Variants in ALAS1 observed in about 807,000 individuals in gnomAD.
ALAS1 encodes the protein 5-aminolevulinate synthase, non-specific, mitochondrial.
A neutral mutation model predicts 59.6 loss-of-function variants in ALAS1; 29 were observed. The ratio of observed to expected loss-of-function variants is 0.49; its 90% CI spans 0.36 to 0.66. The LOEUF (loss-of-function observed/expected upper bound fraction) is 0.66. ALAS1 is among the 30% of genes least tolerant of loss of function. The pLI is 0.00. For synonymous variants in ALAS1, 299 were observed against 296.6 expected (o/e 1.01, Z -0.08); for missense variants, 690 against 807.5 (o/e 0.85, Z 1.76).
chr3:52,203,289 C>A (rs552124142), intron 4 of ALAS1, among the ~76,000 whole-genome samples: 1 of 152,162 alleles, frequency 6.6e-6, no homozygotes, highest in East Asian at 1.9e-4. Flanking sequence ...ACCTATAATC[C>A]CAGCACTTTG....
At chr3:52,208,701 T>C (rs1699344844) in intron 9 of ALAS1, among the ~76,000 whole-genome samples, 1 of 152,240 alleles carries the variant, frequency 6.6e-6, no homozygotes, top group Admixed American at 6.5e-5. Context: ...ATACAGAGGC[T>C]ATGTCTCGTG....
intron 4 of ALAS1, 107 bp from the exon 5 acceptor site, chr3:52,203,755 CT>C: frequency 4.5e-6 from 6 of 1,338,452 alleles, no homozygotes; most frequent in East Asian, 2.5e-5. Flanking sequence ...TATGCTTGGC[CT>C]TTTTTGTGAA....
intron 3 of ALAS1, among the ~76,000 whole-genome samples, chr3:52,202,026 A>G (rs1699196616): frequency 6.6e-6 from 1 of 152,186 alleles, no homozygotes; most frequent in South Asian, 2.1e-4. Context: ...AAGCAGATGA[A>G]AAACTAGAGA....
At chr3:52,211,712 A>C (rs905829063) in intron 10 of ALAS1, among the ~76,000 whole-genome samples, 161 bp downstream of exon 10, 2 of 152,186 alleles carry the variant, frequency 1.3e-5, no homozygotes, top group Non-Finnish European at 2.9e-5. Flanking sequence ...CCATTGGCTG[A>C]CTTCACCAAG....
At chr3:52,198,151 C>A (rs1237621220), upstream of ALAS1, 1 of 398,428 alleles carries the variant, frequency 2.5e-6, no homozygotes, top group Non-Finnish European at 4.4e-6. Context: ...CGCCGGCGAT[C>A]GCGGCCTGAG....
rs991019052 is a variant in ALAS1, at chr3:52,208,098, T to C, written c.1181T>C (p.Leu394Pro). Residue 394 changes from leucine to proline, a missense_variant, in exon 9 of 12, where the codon CTG becomes CCG. Coordinates refer to ENST00000484952, the MANE Select transcript of ALAS1 (RefSeq NM_000688.6). ...CTTTCCTCAGGGGCGGTGTGCCCAC[T>C]GGAAGAGCTGTGTGATGTGGCCCAT... ...VHSMDGAVCPLEELCDVAHEF... is the reference protein window; with the variant it reads ...VHSMDGAVCPPEELCDVAHEF... 13 of 1,583,516 alleles carry C rather than the reference T, an allele frequency of 8.2e-6. No homozygotes were observed. Among genetic ancestry groups the C allele is most frequent in the Non-Finnish European group, 1.1e-5 (13 of 1,166,092 alleles).
chr3:52,204,972 T>A, intron 6 of ALAS1, 57 bp downstream of exon 6: 1 of 1,452,898 alleles, frequency 6.9e-7, no homozygotes, highest in Non-Finnish European at 9.6e-7. Context: ...CCAATGATGA[T>A]GTATAGGGGT....
chr3:52,214,028 CT>C lies in ALAS1; in HGVS notation c.1772del (p.Leu591GlnfsTer11). 1 of 1,603,108 alleles carries C rather than the reference CT, an allele frequency of 6.2e-7. No individual in the cohort carries two copies. Among genetic ancestry groups the C allele is most frequent in the Non-Finnish European group, 8.5e-7 (1 of 1,170,616 alleles). On this transcript the variant is annotated frameshift_variant, in exon 12 of 12. Coordinates refer to ENST00000484952, the MANE Select transcript of ALAS1 (RefSeq NM_000688.6). LOFTEE classifies it high-confidence loss of function. Reference protein sequence around the residue: ...QMMNYFLENLLVTWKQVGLEL... With the variant: ...QMMNYFLENLXVTWKQVGLEL... ...AAACTGTTTCTCCTCAGAGAATCTG[CT>C]AGTCACATGGAAGCAAGTGGGGCTG...
At chr3:52,206,983 T>C (rs936748466) in intron 8 of ALAS1, among the ~76,000 whole-genome samples, 13 of 150,616 alleles carry the variant, frequency 8.6e-5, no homozygotes, top group Non-Finnish European at 1.9e-4. Context: ...TACAGACACC[T>C]GCCACCACGC....
At chr3:52,206,045 G>A (rs768458097) in intron 7 of ALAS1, 22 bp downstream of exon 7, 7 of 1,562,118 alleles carry the variant, frequency 4.5e-6, no homozygotes, top group African/African-American at 2.8e-5. Context: ...TGGCATGAGT[G>A]CCTTCGAGTT....
At chr3:52,210,266 C>A (rs539689667) in intron 9 of ALAS1, among the ~76,000 whole-genome samples, 1 of 152,142 alleles carries the variant, frequency 6.6e-6, no homozygotes. Flanking sequence ...TGGAGCTGTG[C>A]TGGCTGTCAG....
intron 6 of ALAS1, 94 bp downstream of exon 6, chr3:52,205,009 G>GC: frequency 9.6e-7 from 1 of 1,036,798 alleles, no homozygotes; most frequent in Non-Finnish European, 1.5e-6. Context: ...GGAACATTCA[G>GC]TAGCTGAAAG....
intron 11 of ALAS1, among the ~76,000 whole-genome samples, chr3:52,212,775 C>A (rs987635075): frequency 6.6e-6 from 1 of 152,210 alleles, no homozygotes; most frequent in South Asian, 2.1e-4. Context: ...AGGTGATCCA[C>A]CCACCTCAGC....
At position 52,214,073 on chromosome 3, in the gene ALAS1, T is replaced by C; in HGVS notation, c.1816T>C (p.Ser606Pro). Reference sequence around the variant, plus strand: ...GGGGCTGGAACTGAAGCCTCATTCCTCAGCTGAGTGCAACTTCTGCAGGAG... The same window carrying C: ...GGGGCTGGAACTGAAGCCTCATTCCCCAGCTGAGTGCAACTTCTGCAGGAG... ...QVGLELKPHS[S>P]AECNFCRRPL... Residue 606 changes from serine to proline, a missense_variant, in exon 12 of 12, where the codon TCA becomes CCA. By Grantham distance (74) the Ser-to-Pro change is moderately conservative. Transcript: ENST00000484952. 6.2e-7 allele frequency: 1 copy of C among 1,613,630 alleles called. No homozygotes were observed. Among genetic ancestry groups the C allele is most frequent in the Non-Finnish European group, 8.5e-7 (1 of 1,179,520 alleles).
chr3:52,211,237 G>A lies in ALAS1; in HGVS notation c.1331-46G>A, dbSNP rs541762874. 5 of 1,595,916 alleles carry A rather than the reference G, an allele frequency of 3.1e-6. No individual in the cohort carries two copies. In the South Asian group the frequency reaches 4.4e-5, roughly 14 times the overall value. ...CAACACCTTGCTGTGTCCATTTAGA[G>A]CAATTTACAGCTGTTGCTGTAATTA... is the stretch of plus-strand genomic sequence containing the variant. On this transcript the variant is annotated intron_variant, in intron 9 of 11. Coordinates refer to ENST00000484952, the MANE Select transcript of ALAS1 (RefSeq NM_000688.6).
chr3:52,201,883 C>T (rs1486666496), intron 3 of ALAS1, among the ~76,000 whole-genome samples: 2 of 152,160 alleles, frequency 1.3e-5, no homozygotes, highest in African/African-American at 4.8e-5. Context: ...TGGAAATGAT[C>T]CAACTCAAGG....
Position 52,202,587 on chromosome 3 carries a change from G to C in ALAS1, c.280G>C (p.Gly94Arg). 1 of 1,614,188 alleles carries C rather than the reference G, an allele frequency of 6.2e-7. No individual in the cohort carries two copies. Among genetic ancestry groups the C allele is most frequent in the South Asian group, 1.1e-5 (1 of 91,090 alleles). ...TCCAGATGGCACACAGCTTCCGTCT[G>C]GACACCCCTTGCCTGCCACAAGCCA... is the stretch of plus-strand genomic sequence containing the variant. ...QSPDGTQLPS[G>R]HPLPATSQGT... Residue 94 changes from glycine to arginine, a missense_variant, in exon 4 of 12, where the codon GGA (glycine) becomes CGA (arginine). Physicochemically the swap from Gly to Arg is moderately radical, Grantham distance 125 (BLOSUM62 -2). Transcript: ENST00000484952.
intron 3 of ALAS1, among the ~76,000 whole-genome samples, chr3:52,199,711 C>T (rs1301250189): frequency 6.6e-6 from 1 of 152,226 alleles, no homozygotes; most frequent in African/African-American, 2.4e-5. Flanking sequence ...TTTAGTGTTT[C>T]CTCAGTGCCT....
In ALAS1 at chr3:52,205,941, T is replaced by C. The variant is rs533149776; in HGVS notation, c.903T>C (p.His301=). Residue 301 remains histidine, a synonymous_variant, in exon 7 of 12, where the codon CAT becomes CAC. Transcript: ENST00000484952. The part of the protein sequence containing the change: ...VDLERELADL[H]GKDAALLFSS... ...TAGAGCGGGAGCTGGCAGACCTCCATGGGAAAGATGCCGCACTCTTGTTTT... is the reference window on the plus strand; with the variant it reads ...TAGAGCGGGAGCTGGCAGACCTCCACGGGAAAGATGCCGCACTCTTGTTTT... The C allele has an allele frequency of 1.2e-6, 2 of 1,614,204 alleles. No homozygotes were observed. The highest frequency in any genetic ancestry group is 2.2e-5 in the East Asian group (1 of 44,892).
Sources: allele counts gnomAD v4.1 joint callset (sites outside exome capture counted in the v4.1 genomes callset), GRCh38; gene constraint gnomAD v4.1.1; transcripts MANE v1.5; gene names NCBI Gene and HGNC (gene_info 2026-07-23, HGNC 2026-07-21).